The following ULK4 variants were observed in gnomAD, a reference collection of about 807,000 sequenced individuals.
ULK4 encodes inactive serine/threonine-protein kinase ULK4.
Under a neutral mutation model 160.6 loss-of-function variants are expected in ULK4, and 133 were observed. The observed-to-expected ratio is 0.83, with a 90% CI of 0.72 to 0.96. ULK4 has a LOEUF of 0.96. Among genes scored for constraint, ULK4 ranks in the 40% least tolerant of loss-of-function variants. The pLI is 0.00. For missense variants in ULK4, 1,580 were observed against 1,499.5 expected, an observed-to-expected ratio of 1.05 and a Z score of -0.89; for synonymous variants, 534 against 539.8, an observed-to-expected ratio of 0.99 and a Z score of 0.15.
At position 41,382,114 on chromosome 3, in the gene ULK4, T is replaced by C. The variant is rs576533520; in HGVS notation, c.3678+15965A>G. On this transcript the variant is annotated intron_variant, in intron 35 of 36. Coordinates refer to ENST00000301831, the MANE Select transcript of ULK4 (RefSeq NM_017886.4). ...TCTAAAAGCTGCAAATAGCCTGTTGTCTTTCCTCTCTTCCTTTCTCTCTAT... is the reference window on the plus strand; with the variant it reads ...TCTAAAAGCTGCAAATAGCCTGTTGCCTTTCCTCTCTTCCTTTCTCTCTAT... Among the ~76,000 whole-genome samples, 4 of 152,330 alleles carry C rather than the reference T, an allele frequency of 2.6e-5. No homozygotes were observed. In the East Asian group the frequency reaches 7.7e-4, roughly 29 times the overall value.
intron 16 of ULK4, among the ~76,000 whole-genome samples, chr3:41,890,054 A>G (rs1324644004): frequency 6.6e-6 from 1 of 152,264 alleles, no homozygotes; most frequent in South Asian, 2.1e-4. Context: ...AAAATAGGCA[A>G]ATCAGCCAAC....
chr3:41,786,893 C>G (rs1464724764), intron 21 of ULK4, among the ~76,000 whole-genome samples: 2 of 152,142 alleles, frequency 1.3e-5, no homozygotes, highest in African/African-American at 2.4e-5. Flanking sequence ...AGGATCAACA[C>G]AGCAATGCAT....
intron 22 of ULK4, among the ~76,000 whole-genome samples, chr3:41,743,650 G>C (rs1017620066): frequency 1.3e-5 from 2 of 151,856 alleles, no homozygotes; most frequent in African/African-American, 4.9e-5. Flanking sequence ...TGCATGCAGA[G>C]AGAACATCCT....
At chr3:41,533,314 T>C (rs2086386121) in intron 32 of ULK4, among the ~76,000 whole-genome samples, 1 of 152,242 alleles carries the variant, frequency 6.6e-6, no homozygotes, top group Non-Finnish European at 1.5e-5. Flanking sequence ...GTAAAATTTA[T>C]TTATTATTTT....
At chr3:41,639,338 T>A (rs958236966) in intron 30 of ULK4, among the ~76,000 whole-genome samples, 2 of 152,198 alleles carry the variant, frequency 1.3e-5, no homozygotes, top group African/African-American at 4.8e-5. Flanking sequence ...AAAATAAATG[T>A]TTGACAAGTT....
intron 27 of ULK4, among the ~76,000 whole-genome samples, chr3:41,704,835 AG>A (rs1027813574): frequency 2.0e-5 from 3 of 152,004 alleles, no homozygotes; most frequent in Non-Finnish European, 4.4e-5. Context: ...GCTGAGGGAT[AG>A]GTGTGGACCA....
At chr3:41,437,833 T>C (rs1282016913) in intron 34 of ULK4, among the ~76,000 whole-genome samples, 1 of 152,146 alleles carries the variant, frequency 6.6e-6, no homozygotes, top group South Asian at 2.1e-4. Flanking sequence ...AAAGACTTCT[T>C]GAAGGGATAT....
chr3:41,437,924 T>C (rs1316365970), intron 34 of ULK4, among the ~76,000 whole-genome samples: 1 of 151,936 alleles, frequency 6.6e-6, no homozygotes, highest in African/African-American at 2.4e-5. Flanking sequence ...AGAAGGCCAG[T>C]GAGAAGGGTA....
intron 16 of ULK4, among the ~76,000 whole-genome samples, chr3:41,886,710 G>A (rs141199775): frequency 0.013 from 1,905 of 151,950 alleles, 38 homozygotes; most frequent in African/African-American, 0.041. Context: ...CCAGTAGCTG[G>A]GATTACAGGC....
chr3:41,425,748 C>T (rs2082763270), intron 34 of ULK4, among the ~76,000 whole-genome samples: 1 of 152,146 alleles, frequency 6.6e-6, no homozygotes, highest in South Asian at 2.1e-4. Flanking sequence ...TCATCACCAC[C>T]AGGCCTGCTT....
At chr3:41,561,789 C>T (rs1481676340) in intron 32 of ULK4, among the ~76,000 whole-genome samples, 2 of 151,812 alleles carry the variant, frequency 1.3e-5, no homozygotes, top group African/African-American at 2.4e-5. Flanking sequence ...TCTATTAAGT[C>T]GTTGATCTTT....
intron 35 of ULK4, among the ~76,000 whole-genome samples, chr3:41,354,767 T>C (rs2080995408): frequency 6.6e-6 from 1 of 152,212 alleles, no homozygotes; most frequent in South Asian, 2.1e-4. Flanking sequence ...GTTTACAAGA[T>C]TATAACTTGT....
chr3:41,942,445 G>T (rs562186335), intron 2 of ULK4, among the ~76,000 whole-genome samples: 14 of 152,144 alleles, frequency 9.2e-5, no homozygotes, highest in South Asian at 4.1e-4. Flanking sequence ...CTTGAACCCA[G>T]AAGGCAGAGG....
At chr3:41,489,773 C>G (rs925982662) in intron 32 of ULK4, among the ~76,000 whole-genome samples, 18 of 152,136 alleles carry the variant, frequency 1.2e-4, no homozygotes, top group Non-Finnish European at 2.4e-4. Flanking sequence ...AACTGCCCCT[C>G]AGATGTCACC....
chr3:41,734,092 G>T (rs980311662), intron 22 of ULK4, among the ~76,000 whole-genome samples: 2 of 152,138 alleles, frequency 1.3e-5, no homozygotes, highest in African/African-American at 2.4e-5. Context: ...TTACTGGGGT[G>T]GGGGGAGCTG....
At chr3:41,336,759 T>C (rs571507428) in intron 35 of ULK4, among the ~76,000 whole-genome samples, 1 of 152,306 alleles carries the variant, frequency 6.6e-6, no homozygotes, top group East Asian at 1.9e-4. Flanking sequence ...CTGGGTCTCC[T>C]GGGCAGTCTG....
intron 14 of ULK4, 95 bp from the exon 15 acceptor site, chr3:41,897,098 A>C (rs1198130888): frequency 3.5e-6 from 4 of 1,146,722 alleles, no homozygotes; most frequent in Non-Finnish European, 4.8e-6. Context: ...ACGACAGCTA[A>C]GATGAGGACA....
chr3:41,468,632 TG>T (rs1474834369), intron 32 of ULK4, among the ~76,000 whole-genome samples: 2 of 152,188 alleles, frequency 1.3e-5, no homozygotes, highest in East Asian at 3.9e-4. Context: ...GTGTGGTTTA[TG>T]GAACTTTTCC....
intron 36 of ULK4, among the ~76,000 whole-genome samples, chr3:41,247,493 CTA>C (rs1200107257): frequency 6.6e-6 from 1 of 152,086 alleles, no homozygotes; most frequent in East Asian, 1.9e-4. Context: ...ACATTTAAAA[CTA>C]TGTTTAACAA....
Sources: allele counts gnomAD v4.1 joint callset (sites outside exome capture counted in the v4.1 genomes callset), GRCh38; gene constraint gnomAD v4.1.1; transcripts MANE v1.5; gene names NCBI Gene and HGNC (gene_info 2026-07-23, HGNC 2026-07-21).